Variants in PC observed in about 807,000 individuals in gnomAD.
PC encodes pyruvate carboxylase, also known as pyruvate carboxylase, mitochondrial.
Under a neutral mutation model 107.8 loss-of-function variants are expected in PC, and 46 were observed. The ratio of observed to expected loss-of-function variants is 0.43; its 90% CI spans 0.34 to 0.55. The LOEUF is 0.55. Among genes scored for constraint, PC ranks in the 20% least tolerant of loss-of-function variants. The pLI is 0.04. For synonymous variants in PC, 662 were observed against 684.7 expected, an observed-to-expected ratio of 0.97 and a Z score of 0.52; for missense variants, 1,241 against 1,643.1, an observed-to-expected ratio of 0.76 and a Z score of 4.23.
intron 3 of PC, among the ~76,000 whole-genome samples, chr11:66,935,005 G>T (rs1948959382): frequency 6.6e-6 from 1 of 152,218 alleles, no homozygotes; most frequent in Non-Finnish European, 1.5e-5. Context: ...ATGCAAGCAT[G>T]TATTTTGTCC....
At chr11:66,920,992 C>A (rs1426577649) in intron 3 of PC, among the ~76,000 whole-genome samples, 1 of 151,414 alleles carries the variant, frequency 6.6e-6, no homozygotes, top group Non-Finnish European at 1.5e-5. Flanking sequence ...GAGCCGAGAT[C>A]TCCAGGCTGG....
Position 66,849,651 on chromosome 11 carries a change from C to G in PC, c.3107G>C (p.Arg1036Pro), listed in dbSNP as rs141237842. The G allele has an allele frequency of 5.6e-6, 9 of 1,614,022 alleles. No individual in the cohort carries two copies. Among genetic ancestry groups the G allele is most frequent in the Non-Finnish European group, 6.8e-6 (8 of 1,180,030 alleles). Residue 1036 changes from arginine to proline, a missense_variant, in exon 21 of 23, where the codon CGC becomes CCC. Arg to Pro is a moderately radical substitution (Grantham distance 103). Transcript: ENST00000393960. ...TFGPLDSLNT[R>P]LFLQGPKIAE... ...GATCTTGGGTCCCTGCAGGAAGAGG[C>G]GAGTATTCAGGCTATCCAGGGGGCC...
intron 3 of PC, among the ~76,000 whole-genome samples, chr11:66,897,703 G>A (rs1947807312): frequency 6.6e-6 from 1 of 152,174 alleles, no homozygotes; most frequent in South Asian, 2.1e-4. Flanking sequence ...GTAAGACAGG[G>A]ACCCTCCTCC....
At chr11:66,860,364 C>A in intron 12 of PC, 2 of 1,017,786 alleles carry the variant, frequency 2.0e-6, no homozygotes, top group South Asian at 2.7e-5. Context: ...GCCTCCAGAC[C>A]AGGGTAAGGG....
At chr11:66,931,384 GAAAAA>G (rs60081578) in intron 3 of PC, among the ~76,000 whole-genome samples, 1 of 84,944 alleles carries the variant, frequency 1.2e-5, no homozygotes, top group African/African-American at 4.5e-5. Context: ...TCCATCTCAA[GAAAAA>G]AAAAAAAAAA....
intron 1 of PC, among the ~76,000 whole-genome samples, chr11:66,955,086 C>G (rs1445905484): frequency 6.6e-6 from 1 of 152,226 alleles, no homozygotes; most frequent in African/African-American, 2.4e-5. Flanking sequence ...AAAGTAACTC[C>G]TTTCCGTATT....
At chr11:66,887,117 C>T (rs1476486602) in intron 3 of PC, among the ~76,000 whole-genome samples, 3 of 152,174 alleles carry the variant, frequency 2.0e-5, no homozygotes, top group Non-Finnish European at 2.9e-5. Flanking sequence ...TGGAAGCTTC[C>T]GTTCCAGGAA....
Position 66,871,647 on chromosome 11 carries a change from G to T in PC, c.321+40C>A. ...ACCCCCGCGGCAACTAAGACTCCCTGGTCCCTGCTGTCCAGGCCCAGCCAG... is the reference window on the plus strand; with the variant it reads ...ACCCCCGCGGCAACTAAGACTCCCTTGTCCCTGCTGTCCAGGCCCAGCCAG... On this transcript the variant is annotated intron_variant, in intron 5 of 22. Transcript: ENST00000393960. The surrounding 1 kb of genome is among the most constrained non-coding windows in gnomAD (Gnocchi z 7.4). 6.4e-7 allele frequency: 1 copy of T among 1,561,482 alleles called. No individual in the cohort carries two copies. The highest frequency in any genetic ancestry group is 1.2e-5 in the South Asian group (1 of 86,170).
chr11:66,954,826 C>A (rs1359192024), intron 1 of PC, among the ~76,000 whole-genome samples: 1 of 152,084 alleles, frequency 6.6e-6, no homozygotes, highest in African/African-American at 2.4e-5. Flanking sequence ...GCCTGTAATC[C>A]CAGCTACTCA....
intron 3 of PC, among the ~76,000 whole-genome samples, chr11:66,902,347 G>A (rs950206694): frequency 6.6e-6 from 1 of 152,174 alleles, no homozygotes; most frequent in East Asian, 1.9e-4. Context: ...GCAAGTGTCG[G>A]AATTGCTGAT....
intron 3 of PC, among the ~76,000 whole-genome samples, chr11:66,884,505 G>A (rs574837274): frequency 5.9e-5 from 9 of 152,192 alleles, no homozygotes; most frequent in African/African-American, 1.9e-4. Context: ...GCCCCTCCTG[G>A]GAACAGCACA....
Position 66,852,919 on chromosome 11 carries a change from G to T in PC, c.1514-83C>A. On this transcript the variant is annotated intron_variant, in intron 13 of 22. Coordinates refer to ENST00000393960, the MANE Select transcript of PC (RefSeq NM_001040716.2). This position sits in a 1 kb window ranked among gnomAD's most constrained non-coding sequence, Gnocchi z 4.7. ...AGCAGTGAGAGTGGCTGGGCTCAGG[G>T]ACAGGGACACATCCCTCCAGGATCC... 9.4e-7 allele frequency: 1 copy of T among 1,058,726 alleles called. No homozygotes were observed. Among genetic ancestry groups the T allele is most frequent in the South Asian group, 1.5e-5 (1 of 65,020 alleles). The allele number at this position is 1,058,726 out of a possible 1,614,324, so 65.6% of individuals were successfully genotyped here. A position where few individuals can be genotyped will look rare whatever the true frequency, so the allele number is the denominator to read the frequency against.
intron 12 of PC, among the ~76,000 whole-genome samples, chr11:66,862,886 C>T (rs1027410270): frequency 1.3e-5 from 2 of 152,268 alleles, no homozygotes; most frequent in African/African-American, 4.8e-5. Context: ...CTCTGCTGCG[C>T]CCCCACCCTC....
chr11:66,898,482 C>A (rs1289319625), intron 3 of PC, among the ~76,000 whole-genome samples: 1 of 152,120 alleles, frequency 6.6e-6, no homozygotes, highest in Non-Finnish European at 1.5e-5. Context: ...GAGTTTAAGA[C>A]CAGCCTGGCC....
chr11:66,861,152 G>C (rs919708322), intron 12 of PC, among the ~76,000 whole-genome samples: 4 of 152,200 alleles, frequency 2.6e-5, no homozygotes, highest in African/African-American at 9.6e-5. Context: ...CTCGCTGCAG[G>C]GAGGCAGCCG....
At chr11:66,873,270 G>A (rs1426105461) in intron 3 of PC, among the ~76,000 whole-genome samples, 2 of 141,272 alleles carry the variant, frequency 1.4e-5, no homozygotes, top group African/African-American at 5.3e-5. Context: ...AGCCTGGGAG[G>A]TGGAGGTTGC....
chr11:66,876,085 T>C (rs1014465014), intron 3 of PC, among the ~76,000 whole-genome samples: 2 of 152,132 alleles, frequency 1.3e-5, no homozygotes, highest in African/African-American at 4.8e-5. Context: ...AAAGCAACAA[T>C]GGTGAGAGCC....
intron 1 of PC, among the ~76,000 whole-genome samples, chr11:66,955,212 G>A (rs1949531299): frequency 6.6e-6 from 1 of 152,198 alleles, no homozygotes; most frequent in Non-Finnish European, 1.5e-5. Context: ...GTACTGAGAG[G>A]ACAGAGGGAA....
chr11:66,903,773 A>AAAAAAAT (rs1555039098), intron 3 of PC, among the ~76,000 whole-genome samples: 2 of 62,502 alleles, frequency 3.2e-5, no homozygotes, highest in East Asian at 6.0e-4. Context: ...AAAAAAAAAA[A>AAAAAAAT]ATATATATAT....
Sources: gnomAD v4.1 joint callset for allele counts (sites outside exome capture counted in the v4.1 genomes callset) on GRCh38, gnomAD v4.1.1 for gene constraint, Gnocchi (gnomAD v3.1) non-coding constraint, MANE v1.5 for transcripts, NCBI Gene and HGNC (gene_info 2026-07-23, HGNC 2026-07-21) for gene names.